TMEM178B: variants seen among roughly 807,000 people sequenced by gnomAD.
The protein encoded by TMEM178B is transmembrane protein 178B.
In TMEM178B, 5 loss-of-function variants were observed where a neutral mutation model predicts 31.0. The observed-to-expected ratio is 0.16, with a 90% CI of 0.08 to 0.34. TMEM178B has a LOEUF of 0.34. Ranked by LOEUF, TMEM178B falls within the 10% of genes least tolerant of loss-of-function variation. The pLI, the probability that TMEM178B is intolerant of heterozygous loss-of-function variation, is 1.00. For missense variants in TMEM178B, 275 were observed against 400.3 expected (o/e 0.69, Z 2.67); for synonymous variants, 164 against 164.0 (o/e 1.00, Z 0.00).
At chr7:141,094,370 C>T (rs1403271965) in intron 1 of TMEM178B, among the ~76,000 whole-genome samples, 1 of 152,152 alleles carries the variant, frequency 6.6e-6, no homozygotes, top group African/African-American at 2.4e-5. Context: ...ACTTTAGCAT[C>T]TTTTTATTAT....
chr7:141,157,474 A>G (rs1796091503), intron 1 of TMEM178B, among the ~76,000 whole-genome samples: 2 of 152,024 alleles, frequency 1.3e-5, no homozygotes, highest in African/African-American at 4.8e-5. Context: ...CCAACCAACA[A>G]GCAAACAAAT....
intron 2 of TMEM178B, among the ~76,000 whole-genome samples, chr7:141,331,004 T>C (rs1182959291): frequency 2.0e-5 from 3 of 152,218 alleles, no homozygotes; most frequent in Admixed American, 2.0e-4. Flanking sequence ...AAGCCTTTTT[T>C]GGTCTTAGCA....
chr7:141,467,166 C>G (rs139157635), intron 3 of TMEM178B, among the ~76,000 whole-genome samples: 1 of 152,130 alleles, frequency 6.6e-6, no homozygotes, highest in African/African-American at 2.4e-5. Context: ...TTCCCATGCT[C>G]TTCCCCAAGA....
intron 3 of TMEM178B, among the ~76,000 whole-genome samples, chr7:141,467,567 A>G (rs1802167007): frequency 6.6e-6 from 1 of 151,936 alleles, no homozygotes; most frequent in African/African-American, 2.4e-5. Context: ...GCAACCTCCT[A>G]ACTGGTCTCC....
the TMEM178B span, among the ~76,000 whole-genome samples, chr7:141,498,310 C>G: frequency 6.6e-6 from 1 of 152,214 alleles, no homozygotes; most frequent in Non-Finnish European, 1.5e-5. Context: ...TTTCCAGTTG[C>G]CTCCTGGTTT....
At chr7:141,175,993 T>C (rs1395812055) in intron 1 of TMEM178B, among the ~76,000 whole-genome samples, 2 of 152,208 alleles carry the variant, frequency 1.3e-5, no homozygotes, top group African/African-American at 2.4e-5. Context: ...TCTAATACTA[T>C]GTTGAATAGG....
chr7:141,456,465 G>A (rs1801966062), intron 3 of TMEM178B, among the ~76,000 whole-genome samples: 1 of 152,108 alleles, frequency 6.6e-6, no homozygotes, highest in Non-Finnish European at 1.5e-5. Flanking sequence ...TGTACCCCCT[G>A]GTCAAGAGAA....
rs576329110 is a variant in TMEM178B, at chr7:141,166,311, T to C, written c.383-46280T>C. On this transcript the variant is annotated intron_variant, in intron 1 of 3. Coordinates refer to ENST00000565468, the MANE Select transcript of TMEM178B (RefSeq NM_001195278.2). ...CTAAGAGGTCATCAGGAAGTAAGGG[T>C]CCTGCTGGATTTATTTGATCATTGG... Among the ~76,000 whole-genome samples, 4 of 152,260 alleles carry C rather than the reference T, an allele frequency of 2.6e-5. No homozygotes were observed. In the East Asian group the frequency reaches 7.7e-4, roughly 29 times the overall value.
chr7:141,291,637 C>G (rs144636341), intron 2 of TMEM178B, among the ~76,000 whole-genome samples: 1 of 152,022 alleles, frequency 6.6e-6, no homozygotes, highest in African/African-American at 2.4e-5. Context: ...TACTCCTTCC[C>G]CATCCACCAA....
chr7:141,456,237 A>G (rs1026331596), intron 3 of TMEM178B, among the ~76,000 whole-genome samples: 1 of 152,172 alleles, frequency 6.6e-6, no homozygotes, highest in African/African-American at 2.4e-5. Context: ...CCCAATATCT[A>G]GAGTCATAGG....
chr7:141,242,462 T>G (rs1797638770), intron 2 of TMEM178B, among the ~76,000 whole-genome samples: 1 of 139,112 alleles, frequency 7.2e-6, no homozygotes, highest in Non-Finnish European at 1.5e-5. Context: ...TGTGGCTATT[T>G]TCACACTTTG....
At chr7:141,106,632 A>G (rs1795152055) in intron 1 of TMEM178B, among the ~76,000 whole-genome samples, 1 of 152,260 alleles carries the variant, frequency 6.6e-6, no homozygotes, top group Non-Finnish European at 1.5e-5. Context: ...TAACAACTAG[A>G]TAATTTGATA....
At chr7:141,385,465 T>C (rs547576688) in intron 2 of TMEM178B, among the ~76,000 whole-genome samples, 1 of 152,328 alleles carries the variant, frequency 6.6e-6, no homozygotes, top group South Asian at 2.1e-4. Flanking sequence ...AAAATGTACA[T>C]TGAAAAATTC....
Position 141,246,508 on chromosome 7 carries a change from A to G in TMEM178B, c.496+33804A>G, listed in dbSNP as rs577422699. Among the ~76,000 whole-genome samples, 11 of 152,348 alleles carry G rather than the reference A, an allele frequency of 7.2e-5. No homozygotes were observed. The South Asian group carries it at 2.3e-3, about 32-fold the overall frequency. On this transcript the variant is annotated intron_variant, in intron 2 of 3. Transcript: ENST00000565468. ...AAAATGATTTAAAAGTAATTTGGCTAAATATGTAAGACACTTTGTAGCCTA... is the reference window on the plus strand; with the variant it reads ...AAAATGATTTAAAAGTAATTTGGCTGAATATGTAAGACACTTTGTAGCCTA...
chr7:141,200,320 C>T (rs1382036257), intron 1 of TMEM178B, among the ~76,000 whole-genome samples: 1 of 151,862 alleles, frequency 6.6e-6, no homozygotes, highest in East Asian at 1.9e-4. Context: ...GGTGATTTTT[C>T]TAGTGGGCTG....
the TMEM178B span, among the ~76,000 whole-genome samples, chr7:141,509,445 T>G: frequency 6.6e-6 from 1 of 151,836 alleles, no homozygotes; most frequent in Admixed American, 6.6e-5. Context: ...AGGTCAGGAG[T>G]TCGAGACCAG....
At chr7:141,092,953 G>A (rs1389735414) in intron 1 of TMEM178B, among the ~76,000 whole-genome samples, 1 of 152,146 alleles carries the variant, frequency 6.6e-6, no homozygotes, top group Non-Finnish European at 1.5e-5. Context: ...GAGAATGGTG[G>A]CATGTTATAG....
intron 3 of TMEM178B, among the ~76,000 whole-genome samples, chr7:141,463,019 C>T (rs748580692): frequency 2.3e-4 from 35 of 152,162 alleles, no homozygotes; most frequent in Non-Finnish European, 4.1e-4. Context: ...CAGACGGGGA[C>T]ACTGGAGCTC....
At chr7:141,082,226 G>A (rs1794698127) in intron 1 of TMEM178B, among the ~76,000 whole-genome samples, 1 of 152,216 alleles carries the variant, frequency 6.6e-6, no homozygotes, top group South Asian at 2.1e-4. Context: ...CATACAAGGA[G>A]GCTTTGGGTG....
Sources: gnomAD v4.1 joint callset for allele counts (sites outside exome capture counted in the v4.1 genomes callset) on GRCh38, gnomAD v4.1.1 for gene constraint, MANE v1.5 for transcripts, NCBI Gene and HGNC (gene_info 2026-07-23, HGNC 2026-07-21) for gene names.